AFF3: variants seen among roughly 807,000 people sequenced by gnomAD.
The protein encoded by AFF3 is AF4/FMR2 family member 3.
A neutral mutation model predicts 129.7 loss-of-function variants in AFF3; 32 were observed. The observed-to-expected ratio is 0.25, with a 90% CI of 0.19 to 0.33. The LOEUF (loss-of-function observed/expected upper bound fraction) is 0.33. Among genes scored for constraint, AFF3 ranks in the 10% least tolerant of loss-of-function variants. The probability of loss-of-function intolerance (pLI) is 1.00; values close to 1 mark genes in which losing one functional copy is unlikely to be tolerated. For synonymous variants in AFF3, 644 were observed against 635.4 expected, an observed-to-expected ratio of 1.01 and a Z score of -0.20; for missense variants, 1,373 against 1,592.0, an observed-to-expected ratio of 0.86 and a Z score of 2.34.
chr2:99,959,108 T>A (rs1424288145), intron 7 of AFF3, among the ~76,000 whole-genome samples: 6 of 151,564 alleles, frequency 4.0e-5, no homozygotes, highest in Admixed American at 3.9e-4. Flanking sequence ...GATAAATAAA[T>A]AAAGGAGAGG....
rs886998898 is a variant in AFF3, at chr2:99,550,934, T to A, written c.*540A>T. On this transcript the variant is annotated 3_prime_UTR_variant, in exon 25 of 25. Coordinates refer to ENST00000672756, the MANE Select transcript of AFF3 (RefSeq NM_001386135.1). ...TTTTCATTATTCAATTACCCATTAA[T>A]ACATACCAATCAAAAAATAATTGGG... The A allele has an allele frequency of 2.3e-5, 7 of 301,536 alleles. No individual in the cohort carries two copies. Among genetic ancestry groups the A allele is most frequent in the African/African-American group, 1.5e-4 (7 of 46,910 alleles). The allele number at this position is 301,536 out of a possible 1,614,324, so 18.7% of individuals were successfully genotyped here. A position where few individuals can be genotyped will look rare whatever the true frequency, so the allele number is the denominator to read the frequency against.
chr2:99,958,291 G>A (rs577759008), intron 7 of AFF3, among the ~76,000 whole-genome samples: 54 of 152,148 alleles, frequency 3.5e-4, no homozygotes, highest in African/African-American at 1.2e-3. Flanking sequence ...TCGGGAGTTC[G>A]AGACTAGCCT....
At chr2:99,607,275 GTAA>G (rs1385007180) in intron 13 of AFF3, among the ~76,000 whole-genome samples, 2 of 152,138 alleles carry the variant, frequency 1.3e-5, no homozygotes, top group African/African-American at 4.8e-5. Flanking sequence ...GCTCACGCCT[GTAA>G]TCCCAGCACT....
At chr2:99,799,704 T>C (rs932972640) in intron 8 of AFF3, among the ~76,000 whole-genome samples, 1 of 152,102 alleles carries the variant, frequency 6.6e-6, no homozygotes, top group African/African-American at 2.4e-5. Context: ...ATTATACTAT[T>C]TGATAGAAAA....
intron 7 of AFF3, among the ~76,000 whole-genome samples, chr2:99,881,531 C>T (rs1692717179): frequency 6.6e-6 from 1 of 151,256 alleles, no homozygotes; most frequent in Admixed American, 6.6e-5. Flanking sequence ...TCATGCAATT[C>T]ATATTTTCAG....
intron 10 of AFF3, among the ~76,000 whole-genome samples, chr2:99,731,025 C>T (rs1443337492): frequency 6.6e-6 from 1 of 152,044 alleles, no homozygotes; most frequent in Non-Finnish European, 1.5e-5. Context: ...GCAATCTTGG[C>T]TTACTGCAAT....
chr2:99,558,575 G>C lies in AFF3; in HGVS notation c.3285+300C>G, dbSNP rs990283980. Among the ~76,000 whole-genome samples the C allele has an allele frequency of 2.6e-5, 4 of 152,094 alleles. No individual in the cohort carries two copies. In the South Asian group the frequency reaches 8.3e-4, roughly 32 times the overall value. On this transcript the variant is annotated intron_variant, in intron 22 of 24. Transcript: ENST00000672756. ...GCGGAGGTTGCAGTGAGCCGAGATC[G>C]CACCATTGCACTGCAGCCTGGGCAA...
intron 4 of AFF3, among the ~76,000 whole-genome samples, chr2:100,079,960 T>C (rs182020199): frequency 1.3e-5 from 2 of 152,326 alleles, no homozygotes; most frequent in East Asian, 1.9e-4. Flanking sequence ...TAACTCACTA[T>C]GTATTTCACT....
intron 7 of AFF3, among the ~76,000 whole-genome samples, chr2:99,939,694 T>C (rs1234217840): frequency 6.6e-6 from 1 of 152,220 alleles, no homozygotes; most frequent in Non-Finnish European, 1.5e-5. Context: ...GGAATGTATA[T>C]GGCGATTTCC....
chr2:99,594,125 G>T lies in AFF3; in HGVS notation c.1536C>A (p.Asp512Glu), dbSNP rs754497303. 2 of 1,614,048 alleles carry T rather than the reference G, an allele frequency of 1.2e-6. No homozygotes were observed. Among genetic ancestry groups the T allele is most frequent in the Non-Finnish European group, 8.5e-7 (1 of 1,179,970 alleles). ...EDVQDCGKVP[D>E]VCQPSLREKE... is the part of the protein sequence containing the mutation. ...TCTCTCTCAGGCTGGGCTGGCAAAC[G>T]TCGGGGACTTTCCCACAGTCCTGGA... The change falls in exon 15 of 25, where the codon GAC (aspartate) becomes GAA (glutamate). Residue 512 changes from aspartate (D) to glutamate (E), a missense_variant. Transcript: ENST00000672756.
intron 13 of AFF3, among the ~76,000 whole-genome samples, chr2:99,625,531 A>C (rs937108746): frequency 6.6e-6 from 1 of 152,176 alleles, no homozygotes; most frequent in African/African-American, 2.4e-5. Flanking sequence ...GACACCTGGA[A>C]ACAGCATCAA....
chr2:99,992,741 T>C (rs779175559), intron 7 of AFF3, among the ~76,000 whole-genome samples: 1 of 152,212 alleles, frequency 6.6e-6, no homozygotes, highest in Non-Finnish European at 1.5e-5. Flanking sequence ...GAGAAAATGA[T>C]TCCTTCCTTT....
At chr2:99,558,793 T>C in intron 22 of AFF3, 82 bp downstream of exon 22, 2 of 1,352,246 alleles carry the variant, frequency 1.5e-6, no homozygotes, top group Non-Finnish European at 2.1e-6. Flanking sequence ...CCCAAAGCAA[T>C]GGAGTCTACC....
rs549311897 is a variant in AFF3 at position 99,825,650 on chromosome 2, G to A, written c.921+11827C>T. ...TGTATTAGCTTGATTTCTTCAACTT[G>A]TAAAAATTCATTACCTATCAAAATG... On this transcript the variant is annotated intron_variant, in intron 8 of 24. Transcript: ENST00000672756. Among the ~76,000 whole-genome samples the A allele has an allele frequency of 2.6e-5, 4 of 152,270 alleles. No individual in the cohort carries two copies. In the South Asian group the frequency reaches 6.2e-4, roughly 24 times the overall value.
chr2:99,574,158 T>C lies in AFF3; in HGVS notation c.2918+4169A>G, dbSNP rs138262866. ...AGTTGAATCAAGTGTTGTCATTCAT[T>C]GACACAAATTCTTACAGATCCGTTT... On this transcript the variant is annotated intron_variant, in intron 18 of 24. Coordinates refer to ENST00000672756, the MANE Select transcript of AFF3 (RefSeq NM_001386135.1). 3.8e-3 allele frequency among the ~76,000 whole-genome samples: 572 copies of C among 152,312 alleles called. 2 individuals are homozygous for C. Among genetic ancestry groups the C allele is most frequent in the Admixed American group, 5.9e-3 (91 of 15,300 alleles).
chr2:100,043,455 A>C (rs1360224025), intron 4 of AFF3, among the ~76,000 whole-genome samples: 1 of 152,206 alleles, frequency 6.6e-6, no homozygotes, highest in Admixed American at 6.5e-5. Context: ...CGGGACTTGG[A>C]AATATTTGGT....
At chr2:100,092,608 C>A (rs912038343) in intron 4 of AFF3, among the ~76,000 whole-genome samples, 4 of 152,264 alleles carry the variant, frequency 2.6e-5, no homozygotes, top group African/African-American at 9.6e-5. Context: ...AACCTCCCAT[C>A]CTGCCATTCC....
intron 7 of AFF3, among the ~76,000 whole-genome samples, chr2:99,866,709 G>C (rs1414150245): frequency 6.6e-6 from 1 of 152,080 alleles, no homozygotes; most frequent in Non-Finnish European, 1.5e-5. Context: ...GGGCGTGGTG[G>C]CTCACGCTTG....
At chr2:100,099,017 G>A (rs1446353617) in intron 4 of AFF3, among the ~76,000 whole-genome samples, 5 of 130,948 alleles carry the variant, frequency 3.8e-5, no homozygotes, top group African/African-American at 1.6e-4. Flanking sequence ...GGCCCCTCCA[G>A]GCCCATGCTG....
Sources: allele counts gnomAD v4.1 joint callset (sites outside exome capture counted in the v4.1 genomes callset), GRCh38; gene constraint gnomAD v4.1.1; transcripts MANE v1.5; gene names NCBI Gene and HGNC (gene_info 2026-07-23, HGNC 2026-07-21).